The following TMEM114 variants were observed in gnomAD, a reference collection of about 807,000 sequenced individuals.
The protein encoded by TMEM114 is claudin-26.
TMEM114 carries 6 observed loss-of-function variants against 6.2 expected under a neutral mutation model. That is an observed-to-expected ratio of 0.97 (90% CI 0.53 to 1.91). TMEM114 has a LOEUF of 1.91. Among genes scored for constraint, TMEM114 ranks in the 40% most tolerant of loss-of-function variants. The pLI, the probability that TMEM114 is intolerant of heterozygous loss-of-function variation, is 0.01. For synonymous variants in TMEM114, 104 were observed against 73.0 expected (o/e 1.42, Z -2.16); for missense variants, 218 against 158.3 (o/e 1.38, Z -2.02).
At chr16:8,578,094 G>A (rs113184632) in intron 2 of TMEM114, among the ~76,000 whole-genome samples, 122 of 152,296 alleles carry the variant, frequency 8.0e-4, no homozygotes, top group African/African-American at 2.6e-3. Flanking sequence ...ACGTGTCACA[G>A]AGGAAATAAG....
At chr16:8,528,758 T>C in the TMEM114 span, among the ~76,000 whole-genome samples, 5 of 152,242 alleles carry the variant, frequency 3.3e-5, no homozygotes, top group Admixed American at 3.3e-4. Flanking sequence ...AACTTCTAAA[T>C]ATTTCATAGC....
At chr16:8,583,162 C>G (rs960325773) in intron 2 of TMEM114, among the ~76,000 whole-genome samples, 5 of 152,116 alleles carry the variant, frequency 3.3e-5, no homozygotes, top group African/African-American at 1.2e-4. Context: ...AGAATGGTGT[C>G]CAGCACACAG....
chr16:8,577,650 C>T (rs1224999568), intron 2 of TMEM114, among the ~76,000 whole-genome samples: 2 of 151,770 alleles, frequency 1.3e-5, no homozygotes, highest in Non-Finnish European at 2.9e-5. Flanking sequence ...ATGGTGCCAT[C>T]TCAGATCACT....
At chr16:8,531,992 T>A in the TMEM114 span, 10 of 152,174 alleles carry the variant, frequency 6.6e-5, no homozygotes, top group African/African-American at 2.2e-4. Flanking sequence ...TTTCCTAGTA[T>A]AAGTGAGGCA....
rs1902422605 is a variant in TMEM114, at chr16:8,589,644, G to A, written c.195C>T (p.His65=). ...CCCGGCAGGTCCGCCAGAGGCCGGA[G>A]TGGGAGCTCAGAGGCTCGGGCTGGC... ...NRSQPEPLSS[H]SGLWRTCRVQ... Residue 65 remains histidine (H), a synonymous_variant, in exon 1 of 4, where the codon CAC becomes CAT. Coordinates refer to ENST00000620492, the MANE Select transcript of TMEM114 (RefSeq NM_001146336.2). The A allele has an allele frequency of 1.3e-5, 5 of 398,420 alleles. No individual in the cohort carries two copies. The highest frequency in any genetic ancestry group is 2.2e-5 in the Non-Finnish European group (5 of 226,036). 24.7% of individuals were successfully genotyped at this position (398,420 alleles called of 1,614,324 possible). A position where few individuals can be genotyped will look rare whatever the true frequency, so the allele number is the denominator to read the frequency against.
chr16:8,532,559 G>C, the TMEM114 span, among the ~76,000 whole-genome samples: 2 of 152,296 alleles, frequency 1.3e-5, no homozygotes, highest in African/African-American at 4.8e-5. Flanking sequence ...CCATTAAAGA[G>C]AACGACGTGT....
intron 2 of TMEM114, among the ~76,000 whole-genome samples, chr16:8,544,080 A>T (rs1272881587): frequency 6.6e-6 from 1 of 152,080 alleles, no homozygotes; most frequent in East Asian, 1.9e-4. Context: ...CTTTTTGTTG[A>T]TAGATTTTCT....
At chr16:8,534,512 C>G (rs1298820513), downstream of TMEM114, among the ~76,000 whole-genome samples, 1 of 152,204 alleles carries the variant, frequency 6.6e-6, no homozygotes, top group Non-Finnish European at 1.5e-5. Context: ...GCACCTACAT[C>G]CGTAGACATC....
intron 2 of TMEM114, among the ~76,000 whole-genome samples, chr16:8,557,931 T>C (rs1901066680): frequency 6.6e-6 from 1 of 152,174 alleles, no homozygotes; most frequent in Admixed American, 6.5e-5. Flanking sequence ...CTGAAATGTA[T>C]TCTCTCACAA....
In TMEM114 at chr16:8,556,921, C is replaced by A. The variant is rs190941754; in HGVS notation, n.213-19095G>T. 2.1e-3 allele frequency among the ~76,000 whole-genome samples: 324 copies of A among 152,226 alleles called. 1 individual carries two copies. The highest frequency in any genetic ancestry group is 7.1e-3 in the African/African-American group (296 of 41,538). ...TCCCTGTGGCCTTCCGTAATGTGGCCCCTGCTGACCGCTCCAGCCTCTGTT... is the reference window on the plus strand; with the variant it reads ...TCCCTGTGGCCTTCCGTAATGTGGCACCTGCTGACCGCTCCAGCCTCTGTT... On this transcript the variant is annotated intron_variant and non_coding_transcript_variant, in intron 2 of 2. Transcript: ENST00000623677.
intron 3 of TMEM114, among the ~76,000 whole-genome samples, chr16:8,570,699 C>T (rs538572520): frequency 2.6e-5 from 4 of 152,282 alleles, no homozygotes; most frequent in Non-Finnish European, 4.4e-5. Context: ...TGGTTTTGCT[C>T]ATTTTCAATT....
chr16:8,578,951 C>A (rs1020148728), intron 2 of TMEM114, among the ~76,000 whole-genome samples: 5 of 152,038 alleles, frequency 3.3e-5, no homozygotes, highest in African/African-American at 1.2e-4. Context: ...TGCACTCTAG[C>A]CTGGGTGACA....
chr16:8,564,071 G>C (rs1365711923), intron 2 of TMEM114, among the ~76,000 whole-genome samples: 1 of 148,546 alleles, frequency 6.7e-6, no homozygotes, highest in Non-Finnish European at 1.5e-5. Context: ...ATGAGTGAGT[G>C]AGTGCATGAA....
chr16:8,571,533 T>G (rs990012053), intron 3 of TMEM114, among the ~76,000 whole-genome samples: 1 of 152,136 alleles, frequency 6.6e-6, no homozygotes, highest in African/African-American at 2.4e-5. Context: ...ATCACTGAAC[T>G]TCCTTCTTTT....
intron 2 of TMEM114, among the ~76,000 whole-genome samples, chr16:8,574,601 C>CTTTCTTTT (rs2141688210): frequency 6.7e-6 from 1 of 150,150 alleles, no homozygotes; most frequent in South Asian, 2.1e-4. Flanking sequence ...TTCTTTCTTT[C>CTTTCTTTT]TTTCTTTTTC....
chr16:8,565,472 G>A (rs879101020), downstream of TMEM114, among the ~76,000 whole-genome samples: 2 of 152,140 alleles, frequency 1.3e-5, no homozygotes, highest in Admixed American at 1.3e-4. Context: ...GACCTGAGGG[G>A]ACAAATCGTG....
intron 2 of TMEM114, among the ~76,000 whole-genome samples, chr16:8,563,591 G>C (rs1466135227): frequency 1.3e-5 from 2 of 151,326 alleles, no homozygotes; most frequent in Non-Finnish European, 2.9e-5. Context: ...GTGAGTGAAT[G>C]AGTGTGTGAA....
At chr16:8,562,778 G>A (rs1485507870) in intron 2 of TMEM114, among the ~76,000 whole-genome samples, 3 of 149,460 alleles carry the variant, frequency 2.0e-5, no homozygotes, top group Non-Finnish European at 4.4e-5. Flanking sequence ...GGGAATGAGT[G>A]AGTGAATGAG....
intron 2 of TMEM114, among the ~76,000 whole-genome samples, chr16:8,575,577 C>A (rs889801033): frequency 6.6e-6 from 1 of 152,202 alleles, no homozygotes; most frequent in East Asian, 1.9e-4. Flanking sequence ...GCCACCTATG[C>A]TCACCAGGGT....
Sources: allele counts gnomAD v4.1 joint callset (sites outside exome capture counted in the v4.1 genomes callset), GRCh38; gene constraint gnomAD v4.1.1; transcripts MANE v1.5; gene names NCBI Gene and HGNC (gene_info 2026-07-23, HGNC 2026-07-21).